The following ZFAT variants were observed in gnomAD, a reference collection of about 807,000 sequenced individuals.
ZFAT encodes the protein zinc finger and AT-hook domain containing, also known as zinc finger protein ZFAT.
A neutral mutation model predicts 117.7 loss-of-function variants in ZFAT; 64 were observed. That is an observed-to-expected ratio of 0.54 (90% CI 0.44 to 0.67). The LOEUF (loss-of-function observed/expected upper bound fraction) is 0.67. ZFAT is among the 30% of genes least tolerant of loss of function. The pLI is 0.00. For missense variants in ZFAT, 1,433 were observed against 1,584.5 expected (o/e 0.90, Z 1.62); for synonymous variants, 679 against 615.0 (o/e 1.10, Z -1.54).
At chr8:134,606,641 T>G (rs1307354512) in intron 5 of ZFAT, among the ~76,000 whole-genome samples, 2 of 147,714 alleles carry the variant, frequency 1.4e-5, no homozygotes, top group Non-Finnish European at 3.0e-5. Context: ...GGCAAGAGAA[T>G]AGCTTGAACC....
chr8:134,666,104 C>G (rs532653174), intron 1 of ZFAT, among the ~76,000 whole-genome samples: 5 of 152,150 alleles, frequency 3.3e-5, no homozygotes, highest in Non-Finnish European at 7.4e-5. Context: ...TCACTGGAGG[C>G]CCCATGGAGG....
At chr8:134,755,832 A>G in the ZFAT span, among the ~76,000 whole-genome samples, 782 of 150,952 alleles carry the variant, frequency 5.2e-3, 2 homozygotes, top group Non-Finnish European at 8.8e-3. Flanking sequence ...AAAAAAAAAA[A>G]AAAAGAAAAA....
At chr8:134,828,064 C>T in the ZFAT span, among the ~76,000 whole-genome samples, 1 of 152,056 alleles carries the variant, frequency 6.6e-6, no homozygotes, top group East Asian at 1.9e-4. Context: ...TAATTGTGTC[C>T]TCATTAATCA....
intron 13 of ZFAT, 86 bp downstream of exon 13, chr8:134,520,797 A>T: frequency 1.0e-6 from 1 of 993,518 alleles, no homozygotes; most frequent in Non-Finnish European, 1.5e-6. Flanking sequence ...CTGAGGAATG[A>T]TTGTCCGTGC....
intron 1 of ZFAT, among the ~76,000 whole-genome samples, chr8:134,680,651 C>T (rs113630664): frequency 9.3e-4 from 141 of 152,008 alleles, no homozygotes; most frequent in African/African-American, 3.3e-3. Context: ...CACACTGCAC[C>T]GGCACCAATT....
chr8:134,819,496 A>G, the ZFAT span, among the ~76,000 whole-genome samples: 1 of 39,334 alleles, frequency 2.5e-5, no homozygotes, highest in Admixed American at 3.6e-4. Flanking sequence ...CGGATTTACC[A>G]CCCCCCCCCC....
chr8:134,495,621 T>C (rs56869115), intron 15 of ZFAT, among the ~76,000 whole-genome samples: 14,734 of 152,182 alleles, frequency 0.097, 1,106 homozygotes, highest in African/African-American at 0.21. Flanking sequence ...GACCAAGCAA[T>C]AAGCTCTGCC....
chr8:134,588,741 A>G (rs1032113863), intron 8 of ZFAT, among the ~76,000 whole-genome samples: 12 of 152,236 alleles, frequency 7.9e-5, no homozygotes, highest in African/African-American at 2.7e-4. Context: ...AAACAGAAAC[A>G]TAATGAACTA....
chr8:134,596,756 A>G (rs1229041260), intron 7 of ZFAT, among the ~76,000 whole-genome samples: 1 of 152,234 alleles, frequency 6.6e-6, no homozygotes, highest in Non-Finnish European at 1.5e-5. Context: ...ATGAGTCACA[A>G]AAGACTGTAT....
At chr8:134,711,983 G>A (rs1000214807) in intron 1 of ZFAT, among the ~76,000 whole-genome samples, 7 of 152,168 alleles carry the variant, frequency 4.6e-5, no homozygotes, top group South Asian at 2.1e-4. Context: ...TCTCCAAAAG[G>A]TCACTTGGAC....
chr8:134,520,184 G>A (rs1248117104), intron 13 of ZFAT, among the ~76,000 whole-genome samples: 1 of 152,170 alleles, frequency 6.6e-6, no homozygotes, highest in Non-Finnish European at 1.5e-5. Context: ...CAGGGGATGG[G>A]GTTGGGGGGA....
At chr8:134,643,564 A>C (rs1218460698) in intron 2 of ZFAT, among the ~76,000 whole-genome samples, 3 of 152,202 alleles carry the variant, frequency 2.0e-5, no homozygotes, top group African/African-American at 7.2e-5. Context: ...TCTCTTTGAC[A>C]GGTGACAAAA....
chr8:134,694,360 T>C (rs192874025), intron 1 of ZFAT, among the ~76,000 whole-genome samples: 2 of 152,266 alleles, frequency 1.3e-5, no homozygotes, highest in Admixed American at 1.3e-4. Flanking sequence ...TACTTAGGAA[T>C]AGGCAAAGGG....
Position 134,602,152 on chromosome 8 carries a change from A to G in ZFAT, c.1567T>C (p.Phe523Leu), listed in dbSNP as rs1261383754. 6.2e-7 allele frequency: 1 copy of G among 1,613,264 alleles called. No individual in the cohort carries two copies. The highest frequency in any genetic ancestry group is 2.2e-5 in the East Asian group (1 of 44,854). Reference sequence around the variant, plus strand: ...AGTGCATTCACGCCCTGGAGGGCAAACTCCTCTTCCACCAGCTGTAGCTGG... The same window carrying G: ...AGTGCATTCACGCCCTGGAGGGCAAGCTCCTCTTCCACCAGCTGTAGCTGG... ...GDQLQLVEEE[F>L]ALQGVNALKE... The change falls in exon 6 of 16, where the codon TTT (phenylalanine) becomes CTT (leucine). Residue 523 changes from phenylalanine to leucine, a missense_variant. Transcript: ENST00000377838.
intron 1 of ZFAT, among the ~76,000 whole-genome samples, chr8:134,706,482 A>G (rs977145916): frequency 1.3e-5 from 2 of 152,188 alleles, no homozygotes; most frequent in African/African-American, 4.8e-5. Context: ...ACTTGAGGTC[A>G]GGAGTTCCAG....
In ZFAT at chr8:134,532,914, T is replaced by G; in HGVS notation, c.3035A>C (p.His1012Pro). 6.2e-7 allele frequency: 1 copy of G among 1,609,624 alleles called. No individual in the cohort carries two copies. Reference sequence around the variant, plus strand: ...CTCATTAGGGTGCTTCCTGTTGTAGTGCCGCTTCAGAGAGCCAGATATGTT... The same window carrying G: ...CTCATTAGGGTGCTTCCTGTTGTAGGGCCGCTTCAGAGAGCCAGATATGTT... ...SCNISGSLKR[H>P]YNRKHPNEEY... Residue 1012 changes from histidine to proline, a missense_variant, in exon 12 of 16, where the codon CAC becomes CCC. This residue lies in a region of ZFAT where 503 missense variants were observed against 543.4 expected (regional missense o/e 0.93). Coordinates refer to ENST00000377838, the MANE Select transcript of ZFAT (RefSeq NM_020863.4).
upstream of ZFAT, among the ~76,000 whole-genome samples, chr8:134,716,418 C>G (rs1172764792): frequency 1.3e-5 from 2 of 152,200 alleles, no homozygotes; most frequent in African/African-American, 2.4e-5. Flanking sequence ...TTCCACCTGT[C>G]TTTCCAGTGG....
At chr8:134,610,727 T>C (rs1181092155) in intron 3 of ZFAT, 72 bp from the exon 4 acceptor site, 1 of 1,535,922 alleles carries the variant, frequency 6.5e-7, no homozygotes, top group South Asian at 1.2e-5. Flanking sequence ...TAAACACTAC[T>C]CTTTCACGGG....
chr8:134,698,118 T>C (rs1427560439), intron 1 of ZFAT, among the ~76,000 whole-genome samples: 1 of 150,256 alleles, frequency 6.7e-6, no homozygotes, highest in Non-Finnish European at 1.5e-5. Context: ...AGGTCAGGAG[T>C]TCGAGACCAG....
Sources: gnomAD v4.1 joint callset for allele counts (sites outside exome capture counted in the v4.1 genomes callset) on GRCh38, gnomAD v4.1.1 for gene constraint, gnomAD v4.1.1 regional missense constraint, MANE v1.5 for transcripts, NCBI Gene and HGNC (gene_info 2026-07-23, HGNC 2026-07-21) for gene names.